PLPP4: variants seen among roughly 807,000 people sequenced by gnomAD.
The protein encoded by PLPP4 is phospholipid phosphatase 4, also known as diacylglycerol pyrophosphate like 2.
In PLPP4, 20 loss-of-function variants were observed where a neutral mutation model predicts 32.2. That is an observed-to-expected ratio of 0.62 (90% CI 0.44 to 0.90). PLPP4 has a LOEUF of 0.90. PLPP4 is among the 40% of genes least tolerant of loss of function. PLPP4 has a pLI of 0.00. For synonymous variants in PLPP4, 127 were observed against 133.0 expected (o/e 0.95, Z 0.31); for missense variants, 257 against 353.1 (o/e 0.73, Z 2.18).
chr10:120,549,708 C>A (rs1002874360), intron 5 of PLPP4, among the ~76,000 whole-genome samples: 2 of 151,898 alleles, frequency 1.3e-5, no homozygotes, highest in African/African-American at 4.8e-5. Context: ...TGAAAATCAG[C>A]CATTGCAAGT....
chr10:120,578,720 C>G (rs533629843), intron 6 of PLPP4, among the ~76,000 whole-genome samples: 1 of 152,296 alleles, frequency 6.6e-6, no homozygotes, highest in East Asian at 1.9e-4. Flanking sequence ...GAGGCACAGG[C>G]CATGGCATAG....
At chr10:120,563,250 CCAAACAAA>C (rs201294302) in intron 5 of PLPP4, among the ~76,000 whole-genome samples, 1 of 151,812 alleles carries the variant, frequency 6.6e-6, no homozygotes, top group Non-Finnish European at 1.5e-5. Context: ...AAAAACCAAA[CCAAACAAA>C]CAAACAAACA....
At position 120,513,932 on chromosome 10, in the gene PLPP4, C is replaced by T. The variant is rs774380765; in HGVS notation, c.187C>T (p.Leu63=). Residue 63 remains leucine, a synonymous_variant, in exon 3 of 7, where the codon CTG becomes TTG. Coordinates refer to ENST00000398250, the MANE Select transcript of PLPP4 (RefSeq NM_001030059.3). The stretch of plus-strand genomic sequence containing the variant: ...CCAGGCAATTTCTTTCCTCACACCC[C>T]TGGCTGTTATTTGTGTGGTGAAAAT... ...LMFAISFLTP[L]AVICVVKIIR... The T allele has an allele frequency of 5.0e-6, 8 of 1,613,926 alleles. No individual in the cohort carries two copies. Among genetic ancestry groups the T allele is most frequent in the Admixed American group, 3.3e-5 (2 of 60,000 alleles).
intron 5 of PLPP4, among the ~76,000 whole-genome samples, chr10:120,560,867 A>G (rs1341935097): frequency 2.0e-5 from 3 of 152,174 alleles, no homozygotes; most frequent in Non-Finnish European, 4.4e-5. Flanking sequence ...GTTATCAGCA[A>G]GCCTTCTGGT....
At chr10:120,544,124 A>G (rs906139057) in intron 5 of PLPP4, among the ~76,000 whole-genome samples, 6 of 152,246 alleles carry the variant, frequency 3.9e-5, no homozygotes, top group Non-Finnish European at 8.8e-5. Context: ...CTTTCTGGGT[A>G]TAAACCCAGA....
At chr10:120,515,408 G>C (rs1845896888) in intron 3 of PLPP4, among the ~76,000 whole-genome samples, 1 of 152,176 alleles carries the variant, frequency 6.6e-6, no homozygotes, top group Admixed American at 6.5e-5. Context: ...TTGCAGTGGT[G>C]GTGATTTCTG....
chr10:120,531,087 C>CTTTT (rs71019773), intron 5 of PLPP4, among the ~76,000 whole-genome samples: 2 of 100,400 alleles, frequency 2.0e-5, no homozygotes, highest in Non-Finnish European at 2.0e-5. Flanking sequence ...CTGTCATTTT[C>CTTTT]TTTTTTTTTT....
At chr10:120,487,348 G>C (rs990465991) in intron 1 of PLPP4, among the ~76,000 whole-genome samples, 1 of 152,208 alleles carries the variant, frequency 6.6e-6, no homozygotes, top group Admixed American at 6.5e-5. Context: ...CGCTGATGTG[G>C]TGTGTAGTGA....
chr10:120,507,426 A>G (rs1465171160), intron 2 of PLPP4, among the ~76,000 whole-genome samples: 5 of 152,124 alleles, frequency 3.3e-5, no homozygotes, highest in Non-Finnish European at 7.3e-5. Flanking sequence ...CATTTCTTGA[A>G]TTCAGGGGCT....
intron 1 of PLPP4, among the ~76,000 whole-genome samples, chr10:120,493,386 CCTT>C (rs1844805816): frequency 6.6e-6 from 1 of 152,136 alleles, no homozygotes; most frequent in Admixed American, 6.5e-5. Flanking sequence ...CGTCCTGTCT[CCTT>C]GTGTTGAGGG....
chr10:120,579,236 T>G (rs1849366179), intron 6 of PLPP4, among the ~76,000 whole-genome samples: 2 of 152,198 alleles, frequency 1.3e-5, no homozygotes, highest in South Asian at 2.1e-4. Flanking sequence ...TAGGTCATTT[T>G]AAGCAGCCCT....
At chr10:120,580,642 T>TACACACACACACACACACAC (rs59076083) in intron 6 of PLPP4, among the ~76,000 whole-genome samples, 1 of 95,670 alleles carries the variant, frequency 1.0e-5, no homozygotes, top group African/African-American at 3.9e-5. Flanking sequence ...CTCTGTCTCT[T>TACACACACACACACACACAC]ACACACACAC....
At chr10:120,507,591 G>A (rs554009627) in intron 2 of PLPP4, among the ~76,000 whole-genome samples, 17 of 152,310 alleles carry the variant, frequency 1.1e-4, no homozygotes, top group Non-Finnish European at 2.2e-4. Context: ...ACCAGGATCT[G>A]AGCACTGGCT....
At chr10:120,588,867 G>A (rs1849886834) in intron 6 of PLPP4, among the ~76,000 whole-genome samples, 2 of 152,176 alleles carry the variant, frequency 1.3e-5, no homozygotes, top group African/African-American at 4.8e-5. Context: ...CCAACAGGGT[G>A]AAACCCTGCC....
intron 1 of PLPP4, among the ~76,000 whole-genome samples, chr10:120,503,079 CCT>C (rs1446322538): frequency 6.6e-6 from 1 of 152,232 alleles, no homozygotes; most frequent in Non-Finnish European, 1.5e-5. Context: ...TCTCTTCTCT[CCT>C]CTGAGTCCCA....
chr10:120,551,580 C>T (rs1847906418), intron 5 of PLPP4, among the ~76,000 whole-genome samples: 1 of 152,128 alleles, frequency 6.6e-6, no homozygotes, highest in African/African-American at 2.4e-5. Context: ...AAAAGGAAGT[C>T]AGACAGAAAA....
At chr10:120,507,125 A>G (rs946545035) in intron 2 of PLPP4, among the ~76,000 whole-genome samples, 12 of 152,188 alleles carry the variant, frequency 7.9e-5, no homozygotes, top group Non-Finnish European at 1.5e-4. Context: ...TTTGTTGTCT[A>G]TAGTAGTTGT....
chr10:120,537,992 TTCTCTCTC>T (rs1158226991), intron 5 of PLPP4, among the ~76,000 whole-genome samples: 1,138 of 18,628 alleles, frequency 0.061, 139 homozygotes, highest in Non-Finnish European at 0.069. Flanking sequence ...ACCAGGCCCT[TTCTCTCTC>T]TCTCTCTCTC....
chr10:120,559,556 A>C (rs1480958199), intron 5 of PLPP4, among the ~76,000 whole-genome samples: 1 of 152,100 alleles, frequency 6.6e-6, no homozygotes, highest in Non-Finnish European at 1.5e-5. Flanking sequence ...CTGTATGTGT[A>C]TGTATGTACA....
Sources: allele counts gnomAD v4.1 joint callset (sites outside exome capture counted in the v4.1 genomes callset), GRCh38; gene constraint gnomAD v4.1.1; transcripts MANE v1.5; gene names NCBI Gene and HGNC (gene_info 2026-07-23, HGNC 2026-07-21).